The following ST6GALNAC1 variants were observed in gnomAD, a reference collection of about 807,000 sequenced individuals.
ST6GALNAC1 encodes alpha-N-acetylgalactosaminide alpha-2,6-sialyltransferase 1.
Under a neutral mutation model 56.8 loss-of-function variants are expected in ST6GALNAC1, and 45 were observed. That is an observed-to-expected ratio of 0.79 (90% CI 0.62 to 1.02). ST6GALNAC1 has a LOEUF of 1.02. ST6GALNAC1 is among the 50% of genes least tolerant of loss of function. The probability of loss-of-function intolerance (pLI) is 0.00; values close to 1 mark genes in which losing one functional copy is unlikely to be tolerated. For missense variants in ST6GALNAC1, 743 were observed against 754.8 expected, an observed-to-expected ratio of 0.98 and a Z score of 0.18; for synonymous variants, 295 against 297.8, an observed-to-expected ratio of 0.99 and a Z score of 0.10.
At chr17:76,623,940 T>G (rs1030585634), downstream of ST6GALNAC1, among the ~76,000 whole-genome samples, 3 of 152,246 alleles carry the variant, frequency 2.0e-5, no homozygotes, top group Non-Finnish European at 4.4e-5. Flanking sequence ...CCTGATGTGA[T>G]GTCCACCCTG....
intron 1 of ST6GALNAC1, among the ~76,000 whole-genome samples, chr17:76,635,692 A>T (rs1567960131): frequency 6.6e-6 from 1 of 152,246 alleles, no homozygotes; most frequent in Non-Finnish European, 1.5e-5. Context: ...TCTTATGGAA[A>T]GTTCTACGAG....
In ST6GALNAC1 at chr17:76,625,907, G is replaced by C. The variant is rs372411661; in HGVS notation, c.1517C>G (p.Ser506Cys). The C allele has an allele frequency of 2.5e-5, 39 of 1,581,132 alleles. No homozygotes were observed. The highest frequency in any genetic ancestry group is 3.2e-5 in the Non-Finnish European group (37 of 1,164,504). ...CCAGTGGGCACCATCCAGGGTCTTA[G>C]ACCTCAGAAACCTGTGAAATGCCCC... is the stretch of plus-strand genomic sequence containing the variant. ...LRYMKNRFLR[S>C]KTLDGAHWRI... The change falls in exon 8 of 9, where the codon TCT becomes TGT. Residue 506 changes from serine (S) to cysteine (C), a missense_variant. Coordinates refer to ENST00000156626, the MANE Select transcript of ST6GALNAC1 (RefSeq NM_018414.5).
At chr17:76,626,850 G>C (rs1598290093) in intron 4 of ST6GALNAC1, 61 bp from the exon 5 acceptor site, 1 of 1,594,928 alleles carries the variant, frequency 6.3e-7, no homozygotes, top group East Asian at 2.2e-5. Flanking sequence ...TTGTGTAGGT[G>C]GATGGGGAAA....
chr17:76,629,637 C>G lies in ST6GALNAC1; in HGVS notation c.206G>C (p.Arg69Thr). The part of the protein sequence containing the change: ...LAKPKSQAPT[R>T]ARRTTIYAEP... ...TGCATAGATGGTTGTCCTCCTTGCCCTTGTGGGTGCCTGGGACTTAGGCTT... is the reference window on the plus strand; with the variant it reads ...TGCATAGATGGTTGTCCTCCTTGCCGTTGTGGGTGCCTGGGACTTAGGCTT... Residue 69 changes from arginine (R) to threonine (T), a missense_variant, in exon 2 of 9, where the codon AGG becomes ACG. Transcript: ENST00000156626. 1 of 1,613,720 alleles carries G rather than the reference C, an allele frequency of 6.2e-7. No homozygotes were observed. Among genetic ancestry groups the G allele is most frequent in the Non-Finnish European group, 8.5e-7 (1 of 1,179,792 alleles).
Position 76,625,369 on chromosome 17 carries a change from G to A in ST6GALNAC1, c.1764C>T (p.Tyr588=), listed in dbSNP as rs1407418095. 4 of 1,613,968 alleles carry A rather than the reference G, an allele frequency of 2.5e-6. No homozygotes were observed. Among genetic ancestry groups the A allele is most frequent in the Non-Finnish European group, 2.5e-6 (3 of 1,180,040 alleles). Residue 588 remains tyrosine (Y), a synonymous_variant, in exon 9 of 9, where the codon TAC becomes TAT. Transcript: ENST00000156626. ...TGGCAGTTCCGGGACCAGGACGCTG[G>A]TACAGCCGGATTATCCCTTCATCGT... ...RLHDEGIIRL[Y]QRPGPGTAKA... is the part of the protein sequence containing the mutation.
downstream of ST6GALNAC1, among the ~76,000 whole-genome samples, chr17:76,620,491 T>G (rs774418676): frequency 6.6e-6 from 1 of 152,200 alleles, no homozygotes; most frequent in Non-Finnish European, 1.5e-5. Context: ...CTGACCCTTA[T>G]TCAATCTCTT....
downstream of ST6GALNAC1, among the ~76,000 whole-genome samples, chr17:76,620,918 A>T (rs1214704158): frequency 8.6e-5 from 13 of 151,958 alleles, no homozygotes; most frequent in Non-Finnish European, 1.2e-4. Context: ...TCTATCTTGT[A>T]CAAGGCATAA....
In ST6GALNAC1 at chr17:76,636,450, C is replaced by T. The variant is rs540405549; in HGVS notation, c.132-6739G>A. Among the ~76,000 whole-genome samples the T allele has an allele frequency of 1.2e-4, 19 of 152,130 alleles. No homozygotes were observed. In the South Asian group the frequency reaches 3.9e-3, roughly 32 times the overall value. On this transcript the variant is annotated intron_variant, in intron 1 of 8. Transcript: ENST00000156626. ...TTCCAAGGTCAGAGGACCCTGCTTC[C>T]TGGCAGTGTTCCAAAGGTCTAACAA...
downstream of ST6GALNAC1, among the ~76,000 whole-genome samples, chr17:76,620,901 T>C (rs576029078): frequency 3.7e-4 from 57 of 152,256 alleles, no homozygotes; most frequent in African/African-American, 1.4e-3. Flanking sequence ...GGTCGCATAT[T>C]TCTTATTCTA....
intron 1 of ST6GALNAC1, among the ~76,000 whole-genome samples, chr17:76,636,959 A>G (rs377446071): frequency 0.033 from 4,855 of 147,964 alleles, 115 homozygotes; most frequent in South Asian, 0.062. Context: ...CTGTTGATCT[A>G]TGACCTTACC....
At chr17:76,630,677 C>T (rs1482068769) in intron 1 of ST6GALNAC1, among the ~76,000 whole-genome samples, 1 of 151,598 alleles carries the variant, frequency 6.6e-6, no homozygotes, top group African/African-American at 2.4e-5. Context: ...CCTCCATCTC[C>T]CTGGTTCAAG....
chr17:76,642,008 T>TAC (rs1275432898), intron 1 of ST6GALNAC1: 1 of 2,720 alleles, frequency 3.7e-4, no homozygotes. Context: ...ATCTATATGA[T>TAC]ATATATGTGT....
At chr17:76,640,523 C>G (rs1039876488) in intron 1 of ST6GALNAC1, among the ~76,000 whole-genome samples, 1 of 152,194 alleles carries the variant, frequency 6.6e-6, no homozygotes, top group East Asian at 1.9e-4. Context: ...TTCTCTCCTC[C>G]CCTGTCTTCT....
At chr17:76,639,683 A>ACACG (rs2076022898) in intron 1 of ST6GALNAC1, among the ~76,000 whole-genome samples, 2 of 101,652 alleles carry the variant, frequency 2.0e-5, no homozygotes, top group African/African-American at 6.5e-5. Context: ...ACACACACAC[A>ACACG]CACACACACA....
intron 1 of ST6GALNAC1, among the ~76,000 whole-genome samples, chr17:76,635,197 C>T (rs2075960151): frequency 6.6e-6 from 1 of 152,004 alleles, no homozygotes; most frequent in African/African-American, 2.4e-5. Context: ...TTCTGGGACT[C>T]GAGAGAAAAC....
At chr17:76,639,636 TAAACACACAC>T (rs1395159028) in intron 1 of ST6GALNAC1, among the ~76,000 whole-genome samples, 6 of 110,152 alleles carry the variant, frequency 5.4e-5, no homozygotes, top group African/African-American at 2.0e-4. Context: ...AATTACATGA[TAAACACACAC>T]ACACACACAC....
At chr17:76,632,826 A>G (rs565831189) in intron 1 of ST6GALNAC1, among the ~76,000 whole-genome samples, 2 of 152,132 alleles carry the variant, frequency 1.3e-5, no homozygotes, top group South Asian at 4.2e-4. Context: ...CAAATTAATC[A>G]TGGGTCATAC....
At chr17:76,635,314 C>T (rs982497082) in intron 1 of ST6GALNAC1, among the ~76,000 whole-genome samples, 2 of 152,198 alleles carry the variant, frequency 1.3e-5, no homozygotes, top group African/African-American at 4.8e-5. Context: ...AGATGCCCTT[C>T]GCCTAGCTGA....
rs1437607983 is a variant in ST6GALNAC1 at position 76,626,060 on chromosome 17, T to A, written c.1451A>T (p.His484Leu). ...RPQEAFREAL[H>L]MDRYLLLHPD... is the part of the protein sequence containing the mutation. The stretch of plus-strand genomic sequence containing the variant: ...GTGCAGCAACAGGTACCTGTCCATG[T>A]GCAGGGCTTCCCGAAAAGCTTCCTG... Residue 484 changes from histidine to leucine, a missense_variant, in exon 7 of 9, where the codon CAC becomes CTC. Physicochemically the swap from His to Leu is moderately conservative, Grantham distance 99. Coordinates refer to ENST00000156626, the MANE Select transcript of ST6GALNAC1 (RefSeq NM_018414.5). 6.2e-7 allele frequency: 1 copy of A among 1,614,194 alleles called. No homozygotes were observed. Among genetic ancestry groups the A allele is most frequent in the Non-Finnish European group, 8.5e-7 (1 of 1,180,026 alleles).
Sources: allele counts gnomAD v4.1 joint callset (sites outside exome capture counted in the v4.1 genomes callset), GRCh38; gene constraint gnomAD v4.1.1; transcripts MANE v1.5; gene names NCBI Gene and HGNC (gene_info 2026-07-23, HGNC 2026-07-21).